Variants in ARHGEF4 observed in about 807,000 individuals in gnomAD.
ARHGEF4 encodes the protein Rho guanine nucleotide exchange factor 4.
A neutral mutation model predicts 162.0 loss-of-function variants in ARHGEF4; 119 were observed. The observed-to-expected ratio is 0.73, with a 90% CI of 0.63 to 0.86. ARHGEF4 has a LOEUF of 0.86. Ranked by LOEUF, ARHGEF4 falls within the 40% of genes least tolerant of loss-of-function variation. The pLI is 0.00. For missense variants in ARHGEF4, 2,488 were observed against 2,456.0 expected, an observed-to-expected ratio of 1.01 and a Z score of -0.28; for synonymous variants, 1,014 against 979.9, an observed-to-expected ratio of 1.03 and a Z score of -0.65.
chr2:131,011,620 G>C, intron 4 of ARHGEF4: 1 of 1,530,556 alleles, frequency 6.5e-7, no homozygotes, highest in Admixed American at 2.0e-5. Flanking sequence ...GTTCCTGGTA[G>C]CTTCTCTCAA....
intron 1 of ARHGEF4, among the ~76,000 whole-genome samples, chr2:130,875,496 G>A (rs571827948): frequency 7.2e-5 from 11 of 152,162 alleles, no homozygotes; most frequent in Non-Finnish European, 1.5e-4. Context: ...ACAGCTGGTG[G>A]AGAAGTGGAA....
At chr2:130,898,051 T>C (rs1363338644) in intron 1 of ARHGEF4, among the ~76,000 whole-genome samples, 2 of 152,206 alleles carry the variant, frequency 1.3e-5, no homozygotes, top group Non-Finnish European at 2.9e-5. Flanking sequence ...TGCATGTGTG[T>C]GCTGAGATTA....
intron 1 of ARHGEF4, among the ~76,000 whole-genome samples, chr2:130,882,791 G>A (rs12478945): frequency 0.11 from 17,275 of 151,782 alleles, 1,123 homozygotes; most frequent in South Asian, 0.18. Flanking sequence ...GTGGGTGCAG[G>A]CAGGAGGGCC....
intron 4 of ARHGEF4, among the ~76,000 whole-genome samples, chr2:131,026,378 A>G (rs1175832946): frequency 2.6e-5 from 4 of 152,224 alleles, no homozygotes; most frequent in East Asian, 1.9e-4. Context: ...AGATTTGTCT[A>G]TATTAAAATT....
rs148400827 is a variant in ARHGEF4, at chr2:130,841,596, C to T, written c.39+4604C>T. On this transcript the variant is annotated intron_variant, in intron 1 of 13. Coordinates refer to ENST00000409359, the MANE Select transcript of ARHGEF4 (RefSeq NM_001367493.1). ...ACCGTTCTCATCTGTAGAATTTCCACCAACGGGAAGGTCTTCCGTCATCAT... is the reference window on the plus strand; with the variant it reads ...ACCGTTCTCATCTGTAGAATTTCCATCAACGGGAAGGTCTTCCGTCATCAT... 2.5e-4 allele frequency among the ~76,000 whole-genome samples: 38 copies of T among 152,258 alleles called. No individual in the cohort carries two copies. In the East Asian group the frequency reaches 7.0e-3, roughly 28 times the overall value.
rs1683570303 is a variant in ARHGEF4 at position 130,945,702 on chromosome 2, G to A, written c.3859-807G>A. On this transcript the variant is annotated intron_variant, in intron 3 of 13. Coordinates refer to ENST00000409359, the MANE Select transcript of ARHGEF4 (RefSeq NM_001367493.1). ...CTTCGAATTCTGGTTTCCTTCCCCA[G>A]TCTACCTGCTGCTGTTTCCCTCTAG... is the stretch of plus-strand genomic sequence containing the variant. 2.0e-5 allele frequency among the ~76,000 whole-genome samples: 3 copies of A among 152,104 alleles called. No individual in the cohort carries two copies. The South Asian group carries it at 6.2e-4, about 32-fold the overall frequency.
At chr2:131,014,719 A>C (rs977627335) in intron 4 of ARHGEF4, among the ~76,000 whole-genome samples, 1 of 152,248 alleles carries the variant, frequency 6.6e-6, no homozygotes, top group African/African-American at 2.4e-5. Flanking sequence ...TTTTAAAAGC[A>C]GTGGTCTCCC....
intron 1 of ARHGEF4, chr2:130,837,443 G>T (rs1381207241): frequency 1.5e-5 from 5 of 330,338 alleles, no homozygotes; most frequent in Non-Finnish European, 3.0e-5. Flanking sequence ...GGGAGAAGTG[G>T]TTGCTGTTGT....
rs536350138 is a variant in ARHGEF4 at position 130,881,919 on chromosome 2, T to A, written c.40-32067T>A. On this transcript the variant is annotated intron_variant, in intron 1 of 13. Transcript: ENST00000409359. ...ACGCCAAGCTGGCTGGCAAAACAGG[T>A]ACCCCCTCTCTAGTCTGGGTGGTTG... Among the ~76,000 whole-genome samples, 89 of 152,040 alleles carry A rather than the reference T, an allele frequency of 5.9e-4. 4 individuals are homozygous for A. The highest frequency in any genetic ancestry group is 2.1e-3 in the African/African-American group (87 of 41,380).
At chr2:131,028,616 C>T (rs1232749839) in intron 5 of ARHGEF4, among the ~76,000 whole-genome samples, 1 of 152,254 alleles carries the variant, frequency 6.6e-6, no homozygotes, top group Non-Finnish European at 1.5e-5. Context: ...CTCATCCAGG[C>T]AAAACTGGTT....
intron 1 of ARHGEF4, among the ~76,000 whole-genome samples, chr2:130,869,053 G>T (rs1270873286): frequency 1.3e-5 from 2 of 152,198 alleles, no homozygotes; most frequent in African/African-American, 4.8e-5. Context: ...GCCCTAAAAG[G>T]CAACAGTCAC....
rs994669713 is a variant in ARHGEF4 at position 130,836,961 on chromosome 2, G to A, written c.8G>A (p.Ser3Asn). ...GGCGTCCCGGCGGCCACCATGCTCA[G>A]CGTCGTGCACTTCCTCCGGAGCTTC... The part of the protein sequence containing the change: ML[S>N]VVHFLRSFFK... The change falls in exon 1 of 14, where the codon AGC becomes AAC. Residue 3 changes from serine (S) to asparagine (N), a missense_variant. Around this residue, in one of 6 missense-constraint regions of ARHGEF4, gnomAD observed 171 missense variants for 169.4 expected, o/e 1.01. Transcript: ENST00000409359. The A allele has an allele frequency of 8.2e-7, 1 of 1,226,564 alleles. No individual in the cohort carries two copies. The highest frequency in any genetic ancestry group is 1.0e-6 in the Non-Finnish European group (1 of 984,606). The allele number at this position is 1,226,564 out of a possible 1,614,324, so 76.0% of individuals were successfully genotyped here. A position where few individuals can be genotyped will look rare whatever the true frequency, so the allele number is the denominator to read the frequency against.
At chr2:131,042,066 A>G (rs1483176214) in intron 10 of ARHGEF4, 122 bp downstream of exon 10, 1 of 1,357,820 alleles carries the variant, frequency 7.4e-7, no homozygotes. Flanking sequence ...GGAGCTAGCA[A>G]CAGATGCTCA....
chr2:131,039,067 GCCCATAAAAAGCTA>G, intron 6 of ARHGEF4, 35 bp downstream of exon 6: 1 of 1,570,626 alleles, frequency 6.4e-7, no homozygotes, highest in Non-Finnish European at 8.6e-7. Context: ...CCCAAGTTGG[GCCCATAAAAAGCTA>G]CCTGGTTCTG....
intron 4 of ARHGEF4, among the ~76,000 whole-genome samples, chr2:131,025,409 C>A (rs1689414664): frequency 6.6e-6 from 1 of 152,160 alleles, no homozygotes; most frequent in African/African-American, 2.4e-5. Context: ...AAACCATATC[C>A]CTGAGGGTTT....
intron 4 of ARHGEF4, among the ~76,000 whole-genome samples, chr2:130,969,172 C>T (rs1261305330): frequency 6.6e-6 from 1 of 152,096 alleles, no homozygotes; most frequent in East Asian, 1.9e-4. Context: ...TGACATAAAG[C>T]TGATTTTATA....
intron 4 of ARHGEF4, among the ~76,000 whole-genome samples, chr2:130,990,893 G>T (rs1240015071): frequency 2.6e-5 from 4 of 151,972 alleles, no homozygotes; most frequent in Admixed American, 2.6e-4. Context: ...TCTTAGACAT[G>T]TACCTCACAC....
At chr2:130,840,110 G>C (rs2104848437) in intron 1 of ARHGEF4, among the ~76,000 whole-genome samples, 1 of 152,064 alleles carries the variant, frequency 6.6e-6, no homozygotes, top group African/African-American at 2.4e-5. Flanking sequence ...CACACACATA[G>C]GCACACACAC....
chr2:130,939,793 A>G (rs953870226), intron 3 of ARHGEF4, among the ~76,000 whole-genome samples: 2 of 152,204 alleles, frequency 1.3e-5, no homozygotes, highest in African/African-American at 2.4e-5. Context: ...TTCTGCATAC[A>G]GATCCTCTGC....
Sources: allele counts gnomAD v4.1 joint callset (sites outside exome capture counted in the v4.1 genomes callset), GRCh38; gene constraint gnomAD v4.1.1; regional missense constraint gnomAD v4.1.1; transcripts MANE v1.5; gene names NCBI Gene and HGNC (gene_info 2026-07-23, HGNC 2026-07-21).